EDARADD: variants seen among roughly 807,000 people sequenced by gnomAD.
The protein encoded by EDARADD is ectodysplasin-A receptor-associated adapter protein.
A neutral mutation model predicts 25.6 loss-of-function variants in EDARADD; 20 were observed. That is an observed-to-expected ratio of 0.78 (90% CI 0.55 to 1.14). The LOEUF (loss-of-function observed/expected upper bound fraction) is 1.14, where lower values mean the gene tolerates loss of function less well. Among genes scored for constraint, EDARADD ranks in the 50% most tolerant of loss-of-function variants. The pLI, the probability that EDARADD is intolerant of heterozygous loss-of-function variation, is 0.00. For synonymous variants in EDARADD, 86 were observed against 94.4 expected (o/e 0.91, Z 0.52); for missense variants, 225 against 270.1 (o/e 0.83, Z 1.17).
intron 2 of EDARADD, among the ~76,000 whole-genome samples, chr1:236,409,991 C>T (rs1657411124): frequency 6.6e-6 from 1 of 152,158 alleles, no homozygotes; most frequent in Admixed American, 6.5e-5. Flanking sequence ...GCCACATCCT[C>T]TCCCCACCCT....
intron 4 of EDARADD, among the ~76,000 whole-genome samples, chr1:236,442,764 G>A (rs1320912384): frequency 3.9e-5 from 6 of 152,134 alleles, no homozygotes; most frequent in African/African-American, 1.2e-4. Context: ...GTTCATTGAC[G>A]ATGTTCCTGG....
chr1:236,405,878 T>TTCCTTCCTTCC (rs1558112846), intron 1 of EDARADD, among the ~76,000 whole-genome samples: 29 of 29,894 alleles, frequency 9.7e-4, no homozygotes, highest in Middle Eastern at 0.012. Context: ...TCCTTCCTTC[T>TTCCTTCCTTCC]TTCTTTCTTT....
At chr1:236,383,831 A>G (rs1396745297) in intron 3 of EDARADD, among the ~76,000 whole-genome samples, 5 of 151,978 alleles carry the variant, frequency 3.3e-5, no homozygotes, top group Non-Finnish European at 7.4e-5. Context: ...TAGTGATACC[A>G]TATCTGTACA....
intron 5 of EDARADD, among the ~76,000 whole-genome samples, chr1:236,469,696 C>G (rs895049958): frequency 1.3e-5 from 2 of 152,012 alleles, no homozygotes; most frequent in African/African-American, 4.8e-5. Flanking sequence ...CAACTTTTTC[C>G]CCTTAGAAAC....
At chr1:236,414,056 A>G (rs576915523) in intron 2 of EDARADD, among the ~76,000 whole-genome samples, 17 of 152,354 alleles carry the variant, frequency 1.1e-4, no homozygotes, top group African/African-American at 3.8e-4. Flanking sequence ...TTCATGTTCC[A>G]GCATTAACCT....
intron 4 of EDARADD, among the ~76,000 whole-genome samples, chr1:236,453,001 G>A (rs1288792792): frequency 3.3e-5 from 5 of 152,118 alleles, no homozygotes; most frequent in Non-Finnish European, 4.4e-5. Context: ...GTGAGTACTT[G>A]CCCCCCACTC....
At chr1:236,374,627 G>A (rs1304105088) in intron 3 of EDARADD, among the ~76,000 whole-genome samples, 1 of 152,018 alleles carries the variant, frequency 6.6e-6, no homozygotes, top group African/African-American at 2.4e-5. Context: ...ATGTCTTCTT[G>A]AATAATTGAC....
At chr1:236,481,458 T>C (rs1197806847) in intron 5 of EDARADD, among the ~76,000 whole-genome samples, 3 of 151,924 alleles carry the variant, frequency 2.0e-5, no homozygotes, top group Non-Finnish European at 4.4e-5. Flanking sequence ...AAGCAATTCA[T>C]CTTTGGCTAT....
chr1:236,425,673 G>A (rs1397693506), intron 3 of EDARADD, among the ~76,000 whole-genome samples: 1 of 152,198 alleles, frequency 6.6e-6, no homozygotes, highest in Non-Finnish European at 1.5e-5. Flanking sequence ...ACAGATGGGA[G>A]CCTCAAGAGA....
chr1:236,429,176 A>T (rs1436432463), intron 4 of EDARADD, among the ~76,000 whole-genome samples: 1 of 116,074 alleles, frequency 8.6e-6, no homozygotes, highest in Non-Finnish European at 2.0e-5. Flanking sequence ...CATCAGAGGG[A>T]GACTGTGCAG....
intron 4 of EDARADD, among the ~76,000 whole-genome samples, chr1:236,439,670 G>C (rs1658351449): frequency 6.6e-6 from 1 of 152,148 alleles, no homozygotes; most frequent in Non-Finnish European, 1.5e-5. Context: ...TGTTTGTTAA[G>C]GGCTTTGGCT....
intron 3 of EDARADD, among the ~76,000 whole-genome samples, chr1:236,360,537 GTTTTTTTTTTT>G (rs869053977): frequency 3.8e-5 from 5 of 131,266 alleles, no homozygotes; most frequent in African/African-American, 1.5e-4. Flanking sequence ...TTAATTCACG[GTTTTTTTTTTT>G]TTTTTTTTTT....
chr1:236,473,986 G>A (rs1659430470), intron 5 of EDARADD, among the ~76,000 whole-genome samples: 1 of 152,100 alleles, frequency 6.6e-6, no homozygotes, highest in Admixed American at 6.6e-5. Flanking sequence ...GGCAAAAATG[G>A]CATCTTGTCC....
intron 3 of EDARADD, among the ~76,000 whole-genome samples, chr1:236,422,442 T>C (rs1254623747): frequency 6.6e-6 from 1 of 152,200 alleles, no homozygotes; most frequent in Non-Finnish European, 1.5e-5. Context: ...GTGCAACTCT[T>C]AGGCAATGGT....
Position 236,484,022 on chromosome 1 carries a change from C to T in EDARADD, c.*1373C>T, listed in dbSNP as rs1427314418. ...ACCTGTACAAGTCCTTCATCAAAAACTACCCAGTGGTGTCTACTGAAGATC... is the reference window on the plus strand; with the variant it reads ...ACCTGTACAAGTCCTTCATCAAAAATTACCCAGTGGTGTCTACTGAAGATC... On this transcript the variant is annotated 3_prime_UTR_variant, in exon 6 of 6. Transcript: ENST00000334232. The surrounding 1 kb of genome is among the most constrained non-coding windows in gnomAD (Gnocchi z 4.1). The T allele has an allele frequency of 6.7e-7, 1 of 1,501,726 alleles. No homozygotes were observed. 93.0% of individuals were successfully genotyped at this position (1,501,726 alleles called of 1,614,324 possible). A position where few individuals can be genotyped will look rare whatever the true frequency, so the allele number is the denominator to read the frequency against.
Position 236,484,649 on chromosome 1 carries a change from A to G in EDARADD, c.*2000A>G. 1 of 462,240 alleles carries G rather than the reference A, an allele frequency of 2.2e-6. No individual in the cohort carries two copies. 28.6% of individuals were successfully genotyped at this position (462,240 alleles called of 1,614,324 possible). A position where few individuals can be genotyped will look rare whatever the true frequency, so the allele number is the denominator to read the frequency against. ...TAGAACTTCTACAGAAGCAGGTTGC[A>G]GTGAGCCGAGATTGCGCCACTGCAC... is the stretch of plus-strand genomic sequence containing the variant. On this transcript the variant is annotated 3_prime_UTR_variant, in exon 6 of 6. Transcript: ENST00000334232. The surrounding 1 kb of genome is among the most constrained non-coding windows in gnomAD (Gnocchi z 4.1).
chr1:236,431,927 C>CAAAAAAAAAAAAAAA (rs1170622280), intron 4 of EDARADD, among the ~76,000 whole-genome samples: 5 of 17,978 alleles, frequency 2.8e-4, no homozygotes, highest in Non-Finnish European at 7.5e-4. Context: ...GACTCCGTCT[C>CAAAAAAAAAAAAAAA]AAAAAAAAAA....
chr1:236,458,932 G>A (rs533215814), intron 4 of EDARADD, among the ~76,000 whole-genome samples: 3 of 152,070 alleles, frequency 2.0e-5, no homozygotes, highest in Non-Finnish European at 4.4e-5. Context: ...GTGAGCCACC[G>A]CCCCCAGCCG....
intron 3 of EDARADD, among the ~76,000 whole-genome samples, chr1:236,373,783 T>C (rs977913606): frequency 1.3e-5 from 2 of 152,210 alleles, no homozygotes; most frequent in Non-Finnish European, 1.5e-5. Context: ...TATTTTCTAA[T>C]ATATACATTC....
Sources: allele counts gnomAD v4.1 joint callset (sites outside exome capture counted in the v4.1 genomes callset), GRCh38; gene constraint gnomAD v4.1.1; non-coding constraint Gnocchi (gnomAD v3.1); transcripts MANE v1.5; gene names NCBI Gene and HGNC (gene_info 2026-07-23, HGNC 2026-07-21).